SLC23A2: variants seen among roughly 807,000 people sequenced by gnomAD.
SLC23A2 encodes the protein solute carrier family 23 member 2.
Under a neutral mutation model 73.3 loss-of-function variants are expected in SLC23A2, and 36 were observed. The ratio of observed to expected loss-of-function variants is 0.49; its 90% CI spans 0.38 to 0.65. SLC23A2 has a LOEUF of 0.65. SLC23A2 is among the 30% of genes least tolerant of loss of function. The pLI, the probability that SLC23A2 is intolerant of heterozygous loss-of-function variation, is 0.00. For synonymous variants in SLC23A2, 343 were observed against 327.3 expected, an observed-to-expected ratio of 1.05 and a Z score of -0.52; for missense variants, 507 against 841.6, an observed-to-expected ratio of 0.60 and a Z score of 4.92.
At chr20:4,864,358 G>C (rs1192359367) in intron 13 of SLC23A2, among the ~76,000 whole-genome samples, 1 of 152,168 alleles carries the variant, frequency 6.6e-6, no homozygotes, top group Non-Finnish European at 1.5e-5. Flanking sequence ...AAGGACCAGG[G>C]TCAGCCAGTT....
chr20:4,865,136 C>T (rs557493818), intron 13 of SLC23A2, among the ~76,000 whole-genome samples: 1 of 152,298 alleles, frequency 6.6e-6, no homozygotes, highest in African/African-American at 2.4e-5. Context: ...ATCTCCTTGG[C>T]ACCTCCCTCC....
intron 3 of SLC23A2, among the ~76,000 whole-genome samples, chr20:4,929,129 A>G (rs904382840): frequency 6.6e-6 from 1 of 152,008 alleles, no homozygotes. Context: ...AGCCAGGCCC[A>G]GTAGCACGTA....
intron 2 of SLC23A2, among the ~76,000 whole-genome samples, chr20:4,949,525 T>C (rs2087167266): frequency 6.6e-6 from 1 of 152,150 alleles, no homozygotes; most frequent in Non-Finnish European, 1.5e-5. Context: ...GCATAAATGT[T>C]AATGTTCAGT....
At chr20:4,971,394 G>A (rs910414041) in intron 1 of SLC23A2, among the ~76,000 whole-genome samples, 3 of 151,898 alleles carry the variant, frequency 2.0e-5, no homozygotes, top group African/African-American at 7.3e-5. Flanking sequence ...ACTGAGAGGT[G>A]GAGAATCACC....
intron 2 of SLC23A2, among the ~76,000 whole-genome samples, chr20:4,956,819 T>C (rs963627556): frequency 1.7e-4 from 26 of 149,128 alleles, no homozygotes; most frequent in Admixed American, 1.6e-3. Flanking sequence ...TTTTTTTTTT[T>C]TTTCTGAGAC....
intron 2 of SLC23A2, among the ~76,000 whole-genome samples, chr20:4,954,922 G>A (rs1229225522): frequency 3.3e-5 from 5 of 151,962 alleles, no homozygotes; most frequent in African/African-American, 9.7e-5. Flanking sequence ...TGCCATTATA[G>A]AAGACTGTTC....
intron 3 of SLC23A2, among the ~76,000 whole-genome samples, chr20:4,930,765 G>C (rs1264024371): frequency 6.6e-6 from 1 of 152,044 alleles, no homozygotes; most frequent in African/African-American, 2.4e-5. Context: ...GTTGCAGTGA[G>C]CCAAGATGGT....
chr20:4,892,447 A>G (rs922329151), intron 6 of SLC23A2, among the ~76,000 whole-genome samples: 4 of 152,168 alleles, frequency 2.6e-5, no homozygotes, highest in Non-Finnish European at 5.9e-5. Flanking sequence ...TCAGCCTCCC[A>G]AAGTGCTGGG....
intron 2 of SLC23A2, among the ~76,000 whole-genome samples, chr20:4,952,340 A>C (rs1851624874): frequency 6.6e-6 from 1 of 152,170 alleles, no homozygotes. Context: ...GGTTTGCTTA[A>C]GTGTTAGCTT....
Position 5,007,415 on chromosome 20 carries a change from C to T in SLC23A2, c.-282+2767G>A, listed in dbSNP as rs896558216. 5.9e-5 allele frequency among the ~76,000 whole-genome samples: 9 copies of T among 152,134 alleles called. No homozygotes were observed. In the East Asian group the frequency reaches 1.2e-3, roughly 20 times the overall value. ...GCATGGTGACATACACGTGTAGTCC[C>T]GGCTACTTGGGAGGCTGAGGCAGGA... On this transcript the variant is annotated intron_variant, in intron 1 of 16. Transcript: ENST00000379333.
chr20:4,927,310 T>A (rs1035053269), intron 3 of SLC23A2, among the ~76,000 whole-genome samples: 6 of 152,224 alleles, frequency 3.9e-5, no homozygotes, highest in African/African-American at 1.4e-4. Context: ...ATATTTACAT[T>A]TGCAAAGGCC....
chr20:4,964,844 A>AAAG (rs1555806403), intron 2 of SLC23A2, among the ~76,000 whole-genome samples: 2 of 151,404 alleles, frequency 1.3e-5, no homozygotes, highest in Non-Finnish European at 2.9e-5. Flanking sequence ...AAAAAAAAAA[A>AAAG]AAGAAGAAAA....
chr20:4,915,484 T>C lies in SLC23A2; in HGVS notation c.109-2506A>G, dbSNP rs774941457. ...GAGTAAGTACAATTTATTTTGATAA[T>C]AGGGAAGAAATTTAAGACTAAAATC... On this transcript the variant is annotated intron_variant, in intron 3 of 16. Transcript: ENST00000338244. 2.6e-5 allele frequency among the ~76,000 whole-genome samples: 4 copies of C among 152,176 alleles called. No individual in the cohort carries two copies. The East Asian group carries it at 5.8e-4, about 22-fold the overall frequency.
At chr20:4,944,961 T>C (rs2087096116) in intron 2 of SLC23A2, among the ~76,000 whole-genome samples, 1 of 149,840 alleles carries the variant, frequency 6.7e-6, no homozygotes, top group South Asian at 2.1e-4. Flanking sequence ...AACTTGTAGG[T>C]GTGGTGAGGG....
chr20:4,896,101 A>AGT (rs753060154), intron 6 of SLC23A2, among the ~76,000 whole-genome samples: 1 of 152,044 alleles, frequency 6.6e-6, no homozygotes, highest in Admixed American at 6.5e-5. Flanking sequence ...GGGTGGAGAG[A>AGT]CGTGGGGGGG....
At chr20:4,933,147 T>C (rs957195681) in intron 2 of SLC23A2, among the ~76,000 whole-genome samples, 4 of 152,236 alleles carry the variant, frequency 2.6e-5, no homozygotes, top group African/African-American at 7.2e-5. Context: ...TGAATTTTAA[T>C]TGTATCTAAT....
In SLC23A2 at chr20:4,963,568, C is replaced by T. The variant is rs377408481; in HGVS notation, c.-155+7225G>A. 9.9e-5 allele frequency among the ~76,000 whole-genome samples: 15 copies of T among 152,206 alleles called. No homozygotes were observed. In the South Asian group the frequency reaches 3.1e-3, roughly 32 times the overall value. ...AAAAAAAAAAATGTAAAAAATCTGA[C>T]CAGGCACGGTGGCTCACGCCTATAA... On this transcript the variant is annotated intron_variant, in intron 2 of 16. Transcript: ENST00000338244.
intron 2 of SLC23A2, among the ~76,000 whole-genome samples, chr20:4,959,055 C>CA (rs56709040): frequency 0.043 from 5,486 of 127,486 alleles, 288 homozygotes; most frequent in African/African-American, 0.13. Context: ...ACTAAAAATA[C>CA]AAAAAAAAAA....
exon 1 of SLC23A2, chr20:5,010,218 G>A (rs750940581): frequency 2.0e-5 from 3 of 152,168 alleles, no homozygotes; most frequent in Admixed American, 6.6e-5. Flanking sequence ...CTGGAAAGCT[G>A]GTGGTGTCCT....
Sources: allele counts gnomAD v4.1 joint callset (sites outside exome capture counted in the v4.1 genomes callset), GRCh38; gene constraint gnomAD v4.1.1; transcripts MANE v1.5; gene names NCBI Gene and HGNC (gene_info 2026-07-23, HGNC 2026-07-21).